The following RASSF3 variants were observed in gnomAD, a reference collection of about 807,000 sequenced individuals.
RASSF3 encodes the protein ras association domain-containing protein 3.
Under a neutral mutation model 19.9 loss-of-function variants are expected in RASSF3, and 19 were observed. That is an observed-to-expected ratio of 0.96 (90% CI 0.67 to 1.40). The LOEUF (loss-of-function observed/expected upper bound fraction) is 1.40. Ranked by LOEUF, RASSF3 falls within the 40% of genes most tolerant of loss-of-function variation. The probability of loss-of-function intolerance (pLI) is 0.00; values close to 1 mark genes in which losing one functional copy is unlikely to be tolerated. For synonymous variants in RASSF3, 110 were observed against 104.2 expected, an observed-to-expected ratio of 1.06 and a Z score of -0.34; for missense variants, 306 against 289.8, an observed-to-expected ratio of 1.06 and a Z score of -0.41.
intron 2 of RASSF3, among the ~76,000 whole-genome samples, chr12:64,600,377 T>C (rs528917178): frequency 2.0e-5 from 3 of 152,252 alleles, no homozygotes; most frequent in Admixed American, 6.5e-5. Flanking sequence ...CTTTCTTTCA[T>C]TGGACATGAA....
At chr12:64,682,743 G>C (rs1873185151) in intron 1 of RASSF3, among the ~76,000 whole-genome samples, 1 of 152,146 alleles carries the variant, frequency 6.6e-6, no homozygotes. Context: ...CTAGCTTCCA[G>C]TGGGCAGATG....
chr12:64,579,929 C>T (rs1869662932), intron 2 of RASSF3, among the ~76,000 whole-genome samples: 1 of 151,780 alleles, frequency 6.6e-6, no homozygotes, highest in Admixed American at 6.6e-5. Context: ...ATTCTCCTGC[C>T]TCAGCCTCCC....
intron 2 of RASSF3, among the ~76,000 whole-genome samples, chr12:64,587,453 G>C (rs1009498136): frequency 3.3e-5 from 5 of 152,170 alleles, no homozygotes; most frequent in Non-Finnish European, 7.3e-5. Flanking sequence ...CTAAGAGTTT[G>C]AGAACAACCT....
At chr12:64,571,494 C>G (rs1869518905) in intron 2 of RASSF3, among the ~76,000 whole-genome samples, 1 of 152,162 alleles carries the variant, frequency 6.6e-6, no homozygotes, top group African/African-American at 2.4e-5. Flanking sequence ...TCAGTGACAT[C>G]TGTCTGGAGA....
intron 1 of RASSF3, among the ~76,000 whole-genome samples, chr12:64,644,699 A>AAAACAAACAAACAAAC (rs67152006): frequency 0.022 from 3,303 of 150,320 alleles, 131 homozygotes; most frequent in African/African-American, 0.074. Context: ...TCTCCAACCA[A>AAAACAAACAAACAAAC]AAACAAACAA....
rs35834353 is a variant in RASSF3, at chr12:64,660,014, ATGTGTGTGTGTG to A, written c.112-24771_112-24760del. Among the ~76,000 whole-genome samples, 703 of 148,346 alleles carry A rather than the reference ATGTGTGTGTGTG, an allele frequency of 4.7e-3. 10 individuals carry two copies. The highest frequency in any genetic ancestry group is 0.016 in the African/African-American group (654 of 40,092). Reference sequence around the variant, plus strand: ...TGTGTATATGTGTGCGTGTATATATATGTGTGTGTGTGTATGTGTATATATATGTGTGTGTAT... The same window carrying A: ...TGTGTATATGTGTGCGTGTATATATATATGTGTATATATATGTGTGTGTAT... On this transcript the variant is annotated intron_variant, in intron 1 of 4. Transcript: ENST00000542104.
At chr12:64,619,287 C>T (rs1373479099) in intron 1 of RASSF3, among the ~76,000 whole-genome samples, 1 of 151,608 alleles carries the variant, frequency 6.6e-6, no homozygotes, top group Admixed American at 6.6e-5. Context: ...GACACACATA[C>T]CAGCATTTTG....
intron 2 of RASSF3, among the ~76,000 whole-genome samples, chr12:64,687,481 G>GTT (rs540514472): frequency 2.1e-5 from 3 of 143,094 alleles, no homozygotes; most frequent in East Asian, 2.0e-4. Context: ...TTTGTTTTTT[G>GTT]TTTTTTTTTT....
chr12:64,605,765 G>A (rs1592415244), upstream of RASSF3, among the ~76,000 whole-genome samples: 1 of 151,944 alleles, frequency 6.6e-6, no homozygotes, highest in East Asian at 1.9e-4. Context: ...GCGCATGCCT[G>A]TAATCCTAGC....
chr12:64,680,666 T>G (rs1592466402), intron 1 of RASSF3, among the ~76,000 whole-genome samples: 1 of 151,900 alleles, frequency 6.6e-6, no homozygotes, highest in South Asian at 2.1e-4. Context: ...CAGGCTGGAG[T>G]GCAATGGCGT....
rs139050976 is a variant in RASSF3, at chr12:64,603,570, GTAACACA to G, written c.294+61867_294+61873del. ...ACCGGGGTTACCTCCAGGCTCACAGGTAACACATCCTTTCCTTGATTATTGAGGATGT... is the reference window on the plus strand; with the variant it reads ...ACCGGGGTTACCTCCAGGCTCACAGGTCCTTTCCTTGATTATTGAGGATGT... On this transcript the variant is annotated intron_variant, in intron 2 of 5. Coordinates refer to the RASSF3 transcript ENST00000637125. 3.4e-3 allele frequency among the ~76,000 whole-genome samples: 514 copies of G among 152,284 alleles called. 1 individual carries two copies. The highest frequency in any genetic ancestry group is 0.012 in the African/African-American group (490 of 41,546).
chr12:64,508,807 A>G (rs918254059), intron 1 of RASSF3, among the ~76,000 whole-genome samples: 2 of 151,846 alleles, frequency 1.3e-5, no homozygotes, highest in African/African-American at 4.8e-5. Context: ...TTGCTCGAAA[A>G]CCCAGGAGGT....
intron 2 of RASSF3, among the ~76,000 whole-genome samples, chr12:64,580,106 C>A (rs138198702): frequency 6.6e-6 from 1 of 152,040 alleles, no homozygotes; most frequent in African/African-American, 2.4e-5. Context: ...TGAGCCACTG[C>A]GCGCAGCCTT....
At chr12:64,642,537 G>T (rs1871572775) in intron 1 of RASSF3, among the ~76,000 whole-genome samples, 1 of 123,296 alleles carries the variant, frequency 8.1e-6, no homozygotes, top group Non-Finnish European at 1.6e-5. Flanking sequence ...TCCAGCCTGG[G>T]CGACAGAACG....
intron 1 of RASSF3, among the ~76,000 whole-genome samples, chr12:64,540,597 T>C (rs531393012): frequency 6.6e-6 from 1 of 152,356 alleles, no homozygotes; most frequent in Non-Finnish European, 1.5e-5. Context: ...TATAAAGGAA[T>C]ATTATTCAGC....
intron 1 of RASSF3, among the ~76,000 whole-genome samples, chr12:64,625,022 T>C (rs1244436140): frequency 1.3e-5 from 2 of 151,992 alleles, no homozygotes; most frequent in African/African-American, 2.4e-5. Context: ...CCCTTTTCAT[T>C]TGAGGGTAGT....
chr12:64,672,529 T>G (rs1872733670), intron 1 of RASSF3, among the ~76,000 whole-genome samples: 1 of 152,054 alleles, frequency 6.6e-6, no homozygotes, highest in Non-Finnish European at 1.5e-5. Flanking sequence ...CCCAGCCTAT[T>G]ATTTATTTTT....
rs1269584399 is a variant in RASSF3, at chr12:64,696,098, C to CCTCT, written c.*1189_*1190insTCTC. On this transcript the variant is annotated 3_prime_UTR_variant, in exon 5 of 5. Transcript: ENST00000542104. ...ACCTTGTTCTTTTCCTCCCTCCCTCCCTCCCTCCCTCCCTCCCTCCCTCCT... is the reference window on the plus strand; with the variant it reads ...ACCTTGTTCTTTTCCTCCCTCCCTCCCTCTCTCCCTCCCTCCCTCCCTCCCTCCT... 1.7e-5 allele frequency: 2 copies of CCTCT among 117,984 alleles called. No individual in the cohort carries two copies. Among genetic ancestry groups the CCTCT allele is most frequent in the African/African-American group, 6.6e-5 (2 of 30,222 alleles). The allele number at this position is 117,984 out of a possible 1,614,324, so 7.3% of individuals were successfully genotyped here. A position where few individuals can be genotyped will look rare whatever the true frequency, so the allele number is the denominator to read the frequency against.
At chr12:64,604,789 C>G (rs1157511560) in intron 2 of RASSF3, among the ~76,000 whole-genome samples, 1 of 151,794 alleles carries the variant, frequency 6.6e-6, no homozygotes, top group African/African-American at 2.4e-5. Flanking sequence ...AGGCGCCCGC[C>G]ACCGTGCCCA....
Sources: gnomAD v4.1 joint callset for allele counts (sites outside exome capture counted in the v4.1 genomes callset) on GRCh38, gnomAD v4.1.1 for gene constraint, MANE v1.5 for transcripts, NCBI Gene and HGNC (gene_info 2026-07-23, HGNC 2026-07-21) for gene names.